The following MINDY3 variants were observed in gnomAD, a reference collection of about 807,000 sequenced individuals.
MINDY3 encodes the protein MINDY lysine 48 deubiquitinase 3, also known as ubiquitin carboxyl-terminal hydrolase MINDY-3.
Under a neutral mutation model 69.2 loss-of-function variants are expected in MINDY3, and 38 were observed. The ratio of observed to expected loss-of-function variants is 0.55; its 90% CI spans 0.42 to 0.72. The LOEUF is 0.72. MINDY3 is among the 30% of genes least tolerant of loss of function. The pLI is 0.00. For missense variants in MINDY3, 522 were observed against 519.0 expected, an observed-to-expected ratio of 1.01 and a Z score of -0.06; for synonymous variants, 192 against 180.1, an observed-to-expected ratio of 1.07 and a Z score of -0.53.
chr10:15,789,651 T>TAAAC (rs1837264984), intron 11 of MINDY3, among the ~76,000 whole-genome samples: 1 of 152,160 alleles, frequency 6.6e-6, no homozygotes. Flanking sequence ...TATCTTTCAA[T>TAAAC]AAACAAAGTA....
intron 4 of MINDY3, among the ~76,000 whole-genome samples, 187 bp downstream of exon 4, chr10:15,841,239 A>T (rs1054112766): frequency 1.3e-5 from 2 of 151,462 alleles, no homozygotes; most frequent in South Asian, 4.1e-4. Context: ...GCAAAAATGT[A>T]GTATCTTCTA....
chr10:15,852,218 T>C (rs960472618), intron 1 of MINDY3, among the ~76,000 whole-genome samples: 1 of 152,172 alleles, frequency 6.6e-6, no homozygotes, highest in Non-Finnish European at 1.5e-5. Context: ...TGGTCATTGT[T>C]TTCCCACAGT....
chr10:15,855,467 CT>C (rs140479373), intron 1 of MINDY3, among the ~76,000 whole-genome samples: 5,341 of 152,032 alleles, frequency 0.035, 276 homozygotes, highest in African/African-American at 0.12. Flanking sequence ...GCCGTTTTTC[CT>C]GATTACGTCT....
chr10:15,850,501 C>G (rs1169839021), intron 1 of MINDY3, among the ~76,000 whole-genome samples: 1 of 152,128 alleles, frequency 6.6e-6, no homozygotes, highest in African/African-American at 2.4e-5. Flanking sequence ...GGGGAGGTCT[C>G]TAAAATGGCC....
intron 1 of MINDY3, 133 bp downstream of exon 1, chr10:15,860,073 A>T: frequency 1.5e-6 from 1 of 687,242 alleles, no homozygotes; most frequent in Non-Finnish European, 2.5e-6. Flanking sequence ...TAGAAAGTCC[A>T]GCTTCAGCGC....
At chr10:15,848,674 T>TAAAAAAAAAAAAAAAAAAAAAAAAAAA (rs1834048557) in intron 1 of MINDY3, among the ~76,000 whole-genome samples, 1 of 115,720 alleles carries the variant, frequency 8.6e-6, no homozygotes, top group African/African-American at 3.8e-5. Context: ...AAAGAAAAAT[T>TAAAAAAAAAAAAAAAAAAAAAAAAAAA]AAATGGCATT....
chr10:15,828,136 T>A (rs1840214179), intron 8 of MINDY3, among the ~76,000 whole-genome samples: 1 of 152,164 alleles, frequency 6.6e-6, no homozygotes, highest in Non-Finnish European at 1.5e-5. Flanking sequence ...AACTTGTACA[T>A]GAATGTACCT....
chr10:15,860,058 G>T, intron 1 of MINDY3, 148 bp downstream of exon 1: 1 of 638,890 alleles, frequency 1.6e-6, no homozygotes. Flanking sequence ...AAGGCAGGGC[G>T]TGTCTAGAAA....
At chr10:15,826,451 G>A (rs1840090803) in intron 8 of MINDY3, among the ~76,000 whole-genome samples, 1 of 152,142 alleles carries the variant, frequency 6.6e-6, no homozygotes, top group Non-Finnish European at 1.5e-5. Context: ...TTTCACTAAA[G>A]AATGTACAAA....
intron 9 of MINDY3, among the ~76,000 whole-genome samples, chr10:15,818,189 G>A (rs1309838399): frequency 6.6e-6 from 1 of 152,014 alleles, no homozygotes; most frequent in Non-Finnish European, 1.5e-5. Context: ...CTAGAATTAG[G>A]ACTTAAGTTT....
chr10:15,780,775 A>C (rs1340417999), intron 14 of MINDY3, among the ~76,000 whole-genome samples: 2 of 152,110 alleles, frequency 1.3e-5, no homozygotes, highest in African/African-American at 2.4e-5. Flanking sequence ...TTTGTTTTCT[A>C]ATCTTTTTGT....
intron 11 of MINDY3, among the ~76,000 whole-genome samples, chr10:15,790,206 T>C (rs970252258): frequency 5.3e-5 from 8 of 152,220 alleles, no homozygotes; most frequent in African/African-American, 1.7e-4. Context: ...GGGTGTGGAA[T>C]TGTACACTAT....
rs376738580 is a variant in MINDY3 at position 15,841,598 on chromosome 10, C to T, written c.237G>A (p.Glu79=). The change falls in exon 4 of 15, where the codon GAG becomes GAA. Residue 79 remains glutamate (E), a splice_region_variant and synonymous_variant. Coordinates refer to ENST00000277632, the MANE Select transcript of MINDY3 (RefSeq NM_024948.4). ...SEKSSWRDCS[E]EEQKELLCHT... ...GACAAAGGAGTTCCTTCTGCTCTTC[C>T]TCTAAAAATAACCAAAGCATAAGTT... 7 of 1,594,978 alleles carry T rather than the reference C, an allele frequency of 4.4e-6. No homozygotes were observed. The African/African-American group carries it at 9.4e-5, about 22-fold the overall frequency.
intron 1 of MINDY3, chr10:15,857,805 C>T (rs967698398): frequency 1.2e-5 from 4 of 346,644 alleles, no homozygotes; most frequent in African/African-American, 2.2e-5. Context: ...ATTGTTTTAA[C>T]AACCATATCA....
intron 14 of MINDY3, among the ~76,000 whole-genome samples, chr10:15,780,694 T>G (rs908455399): frequency 6.6e-6 from 1 of 152,258 alleles, no homozygotes; most frequent in Non-Finnish European, 1.5e-5. Context: ...AACATATTTC[T>G]GTGACTTAAT....
At chr10:15,798,413 T>TA (rs1156292973) in intron 10 of MINDY3, among the ~76,000 whole-genome samples, 65 of 151,624 alleles carry the variant, frequency 4.3e-4, no homozygotes, top group Non-Finnish European at 6.3e-4. Context: ...TTCAGGAGTG[T>TA]AAAAAGAATT....
chr10:15,844,309 A>C (rs868239804), intron 2 of MINDY3, among the ~76,000 whole-genome samples: 1 of 152,218 alleles, frequency 6.6e-6, no homozygotes, highest in African/African-American at 2.4e-5. Flanking sequence ...ACCATCAAGT[A>C]GAAAAGTATA....
At chr10:15,793,806 G>T (rs1359093441) in intron 11 of MINDY3, among the ~76,000 whole-genome samples, 1 of 152,046 alleles carries the variant, frequency 6.6e-6, no homozygotes, top group Non-Finnish European at 1.5e-5. Flanking sequence ...GGTCATGGAG[G>T]TAAAGTGCTT....
intron 1 of MINDY3, 113 bp from the exon 2 acceptor site, chr10:15,848,056 T>C (rs1833976382): frequency 1.2e-6 from 1 of 824,686 alleles, no homozygotes; most frequent in Non-Finnish European, 2.0e-6. Context: ...GCAAAATATC[T>C]TCAAATCATG....
Sources: gnomAD v4.1 joint callset for allele counts (sites outside exome capture counted in the v4.1 genomes callset) on GRCh38, gnomAD v4.1.1 for gene constraint, MANE v1.5 for transcripts, NCBI Gene and HGNC (gene_info 2026-07-23, HGNC 2026-07-21) for gene names.